Variants in KCNN3 observed in about 807,000 individuals in gnomAD.
KCNN3 encodes the protein potassium calcium-activated channel subfamily N member 3, also known as small conductance calcium-activated potassium channel protein 3.
In KCNN3, 16 loss-of-function variants were observed where a neutral mutation model predicts 62.9. That is an observed-to-expected ratio of 0.25 (90% confidence interval 0.17 to 0.39). KCNN3 has a LOEUF of 0.39. Among genes scored for constraint, KCNN3 ranks in the 10% least tolerant of loss-of-function variants. The probability of loss-of-function intolerance (pLI) is 1.00; values close to 1 mark genes in which losing one functional copy is unlikely to be tolerated. For missense variants in KCNN3, 599 were observed against 949.4 expected, an observed-to-expected ratio of 0.63 and a Z score of 4.85; for synonymous variants, 370 against 389.2, an observed-to-expected ratio of 0.95 and a Z score of 0.58.
At chr1:154,844,632 T>C (rs1288948363) in intron 1 of KCNN3, among the ~76,000 whole-genome samples, 2 of 149,932 alleles carry the variant, frequency 1.3e-5, no homozygotes, top group Non-Finnish European at 3.0e-5. Context: ...CAAAGGGCTT[T>C]CGCTCTGCTA....
intron 3 of KCNN3, among the ~76,000 whole-genome samples, chr1:154,734,460 G>A (rs113484973): frequency 5.9e-5 from 9 of 152,200 alleles, no homozygotes; most frequent in East Asian, 3.8e-4. Flanking sequence ...ACAACGTGCC[G>A]GGACAGGCCT....
chr1:154,718,358 C>T (rs1031290133), intron 5 of KCNN3, among the ~76,000 whole-genome samples: 3 of 152,208 alleles, frequency 2.0e-5, no homozygotes, highest in African/African-American at 7.2e-5. Flanking sequence ...ATTAATGGGC[C>T]TGGGCAAGAA....
chr1:154,781,716 C>T (rs961491994), intron 2 of KCNN3, among the ~76,000 whole-genome samples: 1 of 152,142 alleles, frequency 6.6e-6, no homozygotes, highest in Non-Finnish European at 1.5e-5. Context: ...GGAGCTTTGC[C>T]CCGATCAGCT....
chr1:154,806,868 G>A (rs1047738599), intron 2 of KCNN3, among the ~76,000 whole-genome samples: 5 of 152,128 alleles, frequency 3.3e-5, no homozygotes, highest in Non-Finnish European at 7.4e-5. Context: ...AATCGACCAG[G>A]GAGGTGAGGA....
At chr1:154,850,371 C>T (rs1289051273) in intron 1 of KCNN3, among the ~76,000 whole-genome samples, 7 of 152,214 alleles carry the variant, frequency 4.6e-5, no homozygotes, top group African/African-American at 7.2e-5. Context: ...GCCTGGGCTG[C>T]CCAAGTGAGG....
Position 154,753,109 on chromosome 1 carries a change from C to A in KCNN3, c.1448+18866G>T, listed in dbSNP as rs1022081711. 2.6e-5 allele frequency among the ~76,000 whole-genome samples: 4 copies of A among 152,186 alleles called. No homozygotes were observed. In the East Asian group the frequency reaches 5.8e-4, roughly 22 times the overall value. On this transcript the variant is annotated intron_variant, in intron 3 of 7. Transcript: ENST00000271915. ...AAGAATACTGGTAACTAAGTGGGAA[C>A]AATTTCACATGTTAAACTTGACAAA... is the stretch of plus-strand genomic sequence containing the variant.
intron 1 of KCNN3, among the ~76,000 whole-genome samples, chr1:154,856,756 G>A (rs1478407375): frequency 1.3e-5 from 2 of 152,150 alleles, no homozygotes; most frequent in Admixed American, 6.5e-5. Flanking sequence ...GCTTCCCAAA[G>A]CCACACAGCC....
chr1:154,745,626 T>C (rs576822200), intron 3 of KCNN3, among the ~76,000 whole-genome samples: 1 of 152,314 alleles, frequency 6.6e-6, no homozygotes, highest in East Asian at 1.9e-4. Context: ...GGATGCACCA[T>C]TTGAGGGAAG....
chr1:154,863,036 C>T (rs554595225), intron 1 of KCNN3, among the ~76,000 whole-genome samples: 27 of 152,240 alleles, frequency 1.8e-4, no homozygotes, highest in Admixed American at 1.2e-3. Flanking sequence ...CTTGTACTCC[C>T]GGGTGTAATG....
chr1:154,766,448 A>AT (rs1553232017), intron 3 of KCNN3, among the ~76,000 whole-genome samples: 5 of 128,960 alleles, frequency 3.9e-5, no homozygotes, highest in Non-Finnish European at 6.7e-5. Flanking sequence ...ATATATGTAG[A>AT]AGTTCTGATC....
intron 2 of KCNN3, among the ~76,000 whole-genome samples, chr1:154,796,431 C>T (rs1040716277): frequency 1.3e-5 from 2 of 152,072 alleles, no homozygotes; most frequent in African/African-American, 2.4e-5. Context: ...TGGCATTCCA[C>T]GTCTCTGTAT....
intron 3 of KCNN3, among the ~76,000 whole-genome samples, chr1:154,748,554 A>T (rs1700989267): frequency 6.6e-6 from 1 of 152,230 alleles, no homozygotes; most frequent in Admixed American, 6.5e-5. Context: ...AACAATAATC[A>T]CTATCATTTC....
chr1:154,714,950 G>A lies in KCNN3; in HGVS notation c.1755C>T (p.His585=). 6.2e-7 allele frequency: 1 copy of A among 1,613,732 alleles called. No homozygotes were observed. Among genetic ancestry groups the A allele is most frequent in the Non-Finnish European group, 8.5e-7 (1 of 1,179,758 alleles). Residue 585 remains histidine (H), a synonymous_variant, in exon 6 of 8, where the codon CAC becomes CAT. Coordinates refer to ENST00000271915, the MANE Select transcript of KCNN3 (RefSeq NM_002249.6). ...GGTCAATCTTCTTTAGCAGCTTTGTGTGTTTATAGATTAACCATGTTTCCC... is the reference window on the plus strand; with the variant it reads ...GGTCAATCTTCTTTAGCAGCTTTGTATGTTTATAGATTAACCATGTTTCCC... ...VLRETWLIYK[H]TKLLKKIDHA...
intron 1 of KCNN3, among the ~76,000 whole-genome samples, chr1:154,831,621 C>T (rs1209359164): frequency 2.6e-5 from 4 of 152,112 alleles, no homozygotes; most frequent in African/African-American, 7.2e-5. Flanking sequence ...AGCTTAGAAG[C>T]CATCTAGTTC....
At chr1:154,789,364 C>T (rs941026558) in intron 2 of KCNN3, among the ~76,000 whole-genome samples, 5 of 152,166 alleles carry the variant, frequency 3.3e-5, no homozygotes, top group African/African-American at 1.2e-4. Context: ...CCTGCAAAGT[C>T]CCTTTTGCCA....
At position 154,714,612 on chromosome 1, in the gene KCNN3, G is replaced by GTGTGTGTGT. The variant is rs1553227050; in HGVS notation, c.1829+263_1829+264insACACACACA. Reference sequence around the variant, plus strand: ...ATGGTGTGTGTGATGTGTGGTGTGTGGTGTGTGTGTGTGTGTGTGTGTGTG... The same window carrying GTGTGTGTGT: ...ATGGTGTGTGTGATGTGTGGTGTGTGTGTGTGTGTGTGTGTGTGTGTGTGTGTGTGTGTG... On this transcript the variant is annotated intron_variant, in intron 6 of 7. Transcript: ENST00000271915. 2.7e-3 allele frequency among the ~76,000 whole-genome samples: 67 copies of GTGTGTGTGT among 24,856 alleles called. 3 individuals are homozygous for GTGTGTGTGT. The highest frequency in any genetic ancestry group is 0.04 in the Middle Eastern group (2 of 50). The allele number at this position is 24,856 out of a possible 152,430, so 16.3% of individuals were successfully genotyped here. A position where few individuals can be genotyped will look rare whatever the true frequency, so the allele number is the denominator to read the frequency against.
In KCNN3 at chr1:154,766,416, T is replaced by TTAAATATATATATATATA. The variant is rs1553231995; in HGVS notation, c.1448+5558_1448+5559insTATATATATATATATTTA. 1.7e-3 allele frequency among the ~76,000 whole-genome samples: 119 copies of TTAAATATATATATATATA among 71,796 alleles called. 5 individuals carry two copies. The highest frequency in any genetic ancestry group is 7.0e-3 in the South Asian group (12 of 1,718). The allele number at this position is 71,796 out of a possible 152,430, so 47.1% of individuals were successfully genotyped here. A position where few individuals can be genotyped will look rare whatever the true frequency, so the allele number is the denominator to read the frequency against. On this transcript the variant is annotated intron_variant, in intron 3 of 7. Transcript: ENST00000271915. The stretch of plus-strand genomic sequence containing the variant: ...CCATTTATTAAATACTAGCCAGGCT[T>TTAAATATATATATATATA]TATATATATATATATATATATATAT...
intron 3 of KCNN3, among the ~76,000 whole-genome samples, chr1:154,745,021 T>C (rs1462116491): frequency 6.6e-6 from 1 of 152,140 alleles, no homozygotes; most frequent in Non-Finnish European, 1.5e-5. Flanking sequence ...GACTCAGGGC[T>C]GATCACAAGC....
intron 2 of KCNN3, among the ~76,000 whole-genome samples, chr1:154,775,097 T>C (rs1433238883): frequency 6.6e-6 from 1 of 152,248 alleles, no homozygotes; most frequent in African/African-American, 2.4e-5. Context: ...GAGCCCTTTA[T>C]TCTGTCCACC....
Sources: allele counts gnomAD v4.1 joint callset (sites outside exome capture counted in the v4.1 genomes callset), GRCh38; gene constraint gnomAD v4.1.1; transcripts MANE v1.5; gene names NCBI Gene and HGNC (gene_info 2026-07-23, HGNC 2026-07-21).